Variants in ANGPT1 observed in about 807,000 individuals in gnomAD.
The protein encoded by ANGPT1 is angiopoietin 1, also known as angiopoietin-1.
Under a neutral mutation model 62.2 loss-of-function variants are expected in ANGPT1, and 17 were observed. The ratio of observed to expected loss-of-function variants is 0.27; its 90% CI spans 0.19 to 0.41. The LOEUF is 0.41. ANGPT1 is among the 10% of genes least tolerant of loss of function. The pLI is 1.00. For missense variants in ANGPT1, 478 were observed against 594.9 expected, an observed-to-expected ratio of 0.80 and a Z score of 2.04; for synonymous variants, 199 against 198.9, an observed-to-expected ratio of 1.00 and a Z score of 0.00.
chr8:107,434,068 G>T (rs1178864442), intron 1 of ANGPT1, among the ~76,000 whole-genome samples: 1 of 152,164 alleles, frequency 6.6e-6, no homozygotes, highest in African/African-American at 2.4e-5. Flanking sequence ...AGGCAAATTT[G>T]ATTGAGGAAA....
At chr8:107,484,831 A>C (rs777006517) in intron 1 of ANGPT1, among the ~76,000 whole-genome samples, 1 of 152,224 alleles carries the variant, frequency 6.6e-6, no homozygotes, top group African/African-American at 2.4e-5. Context: ...ATGTTATATC[A>C]GTAGATAATC....
intron 1 of ANGPT1, among the ~76,000 whole-genome samples, chr8:107,434,749 A>G (rs1420590147): frequency 6.6e-6 from 1 of 152,182 alleles, no homozygotes; most frequent in Non-Finnish European, 1.5e-5. Flanking sequence ...TGATATACTG[A>G]TAATGTTTGC....
At chr8:107,474,258 T>C (rs936426320) in intron 1 of ANGPT1, among the ~76,000 whole-genome samples, 1 of 152,106 alleles carries the variant, frequency 6.6e-6, no homozygotes, top group Non-Finnish European at 1.5e-5. Context: ...GGCTTCATCC[T>C]GGGATGCAAG....
At chr8:107,373,881 G>C (rs1433634603) in intron 1 of ANGPT1, among the ~76,000 whole-genome samples, 2 of 152,154 alleles carry the variant, frequency 1.3e-5, no homozygotes, top group African/African-American at 4.8e-5. Flanking sequence ...TATTCTCTTA[G>C]AAGAAATGAC....
intron 1 of ANGPT1, among the ~76,000 whole-genome samples, chr8:107,392,343 T>C (rs1355442004): frequency 6.6e-6 from 1 of 152,160 alleles, no homozygotes; most frequent in Non-Finnish European, 1.5e-5. Context: ...TCCCATATGC[T>C]CAAAAGCACT....
At chr8:107,341,141 AG>A (rs1429436841) in intron 2 of ANGPT1, among the ~76,000 whole-genome samples, 2 of 152,204 alleles carry the variant, frequency 1.3e-5, no homozygotes, top group African/African-American at 4.8e-5. Flanking sequence ...AGCATAACTA[AG>A]GGAGTGGCAA....
At chr8:107,378,902 A>G (rs571847214) in intron 1 of ANGPT1, among the ~76,000 whole-genome samples, 31 of 149,654 alleles carry the variant, frequency 2.1e-4, no homozygotes, top group African/African-American at 7.6e-4. Flanking sequence ...AACAGTGTGA[A>G]AATGAACAAA....
intron 6 of ANGPT1, among the ~76,000 whole-genome samples, chr8:107,289,586 A>C (rs887097753): frequency 1.3e-5 from 2 of 152,198 alleles, no homozygotes; most frequent in Admixed American, 1.3e-4. Context: ...CTCAAGAAAG[A>C]CTGAAACAAA....
intron 1 of ANGPT1, among the ~76,000 whole-genome samples, chr8:107,442,240 C>T (rs1811499390): frequency 6.6e-6 from 1 of 152,032 alleles, no homozygotes; most frequent in Admixed American, 6.6e-5. Context: ...TATGACATCA[C>T]AAAATACTTC....
chr8:107,394,727 C>A (rs1204192194), intron 1 of ANGPT1, among the ~76,000 whole-genome samples: 1 of 152,116 alleles, frequency 6.6e-6, no homozygotes, highest in Non-Finnish European at 1.5e-5. Context: ...TTGCCCAAAC[C>A]ATTCAGTCTT....
intron 1 of ANGPT1, among the ~76,000 whole-genome samples, chr8:107,391,209 A>G (rs1299927027): frequency 6.6e-6 from 1 of 152,212 alleles, no homozygotes; most frequent in Non-Finnish European, 1.5e-5. Context: ...GGTTCCCATC[A>G]TAATGTGGGG....
rs981917699 is a variant in ANGPT1, at chr8:107,324,957, G to A, written c.576-2829C>T. ...GATAGAGCTTGGGTACAGTAATATA[G>A]GGAAACTGTGATGATCACTTATTTT... On this transcript the variant is annotated intron_variant, in intron 3 of 8. Transcript: ENST00000517746. Among the ~76,000 whole-genome samples the A allele has an allele frequency of 2.6e-5, 4 of 152,118 alleles. No homozygotes were observed. The South Asian group carries it at 8.3e-4, about 32-fold the overall frequency.
chr8:107,270,025 T>C (rs969646220), intron 7 of ANGPT1, among the ~76,000 whole-genome samples: 3 of 152,088 alleles, frequency 2.0e-5, no homozygotes, highest in Admixed American at 1.3e-4. Context: ...TTAATGAATA[T>C]AGGACAACAG....
chr8:107,457,203 C>T (rs919444820), intron 1 of ANGPT1, among the ~76,000 whole-genome samples: 15 of 152,028 alleles, frequency 9.9e-5, no homozygotes, highest in Admixed American at 5.3e-4. Flanking sequence ...CATGTCACTA[C>T]ATAGAGGTAT....
At chr8:107,342,808 C>T (rs1815721962) in intron 2 of ANGPT1, among the ~76,000 whole-genome samples, 1 of 140,574 alleles carries the variant, frequency 7.1e-6, no homozygotes, top group Non-Finnish European at 1.5e-5. Flanking sequence ...CACACACACA[C>T]ACACACACAC....
chr8:107,318,066 A>T (rs1438708182), intron 4 of ANGPT1, among the ~76,000 whole-genome samples: 1 of 152,230 alleles, frequency 6.6e-6, no homozygotes, highest in East Asian at 1.9e-4. Context: ...AATTGCCAAA[A>T]ACATGAAGCA....
chr8:107,371,845 C>A (rs936675863), intron 1 of ANGPT1, among the ~76,000 whole-genome samples: 2 of 152,234 alleles, frequency 1.3e-5, no homozygotes, highest in Admixed American at 1.3e-4. Flanking sequence ...CCTTAATTCA[C>A]ATAAAGGCAT....
intron 4 of ANGPT1, among the ~76,000 whole-genome samples, chr8:107,305,867 T>G (rs989571699): frequency 6.6e-6 from 1 of 152,040 alleles, no homozygotes; most frequent in African/African-American, 2.4e-5. Context: ...GGCTACACTT[T>G]AGAGTAGCAA....
At chr8:107,426,680 C>T (rs1251367205) in intron 1 of ANGPT1, among the ~76,000 whole-genome samples, 2 of 152,168 alleles carry the variant, frequency 1.3e-5, no homozygotes, top group Non-Finnish European at 2.9e-5. Context: ...AGAGCATACG[C>T]CTTCTATTCT....
Sources: gnomAD v4.1 joint callset for allele counts (sites outside exome capture counted in the v4.1 genomes callset) on GRCh38, gnomAD v4.1.1 for gene constraint, MANE v1.5 for transcripts, NCBI Gene and HGNC (gene_info 2026-07-23, HGNC 2026-07-21) for gene names.